The following UBE2U variants were observed in gnomAD, a reference collection of about 807,000 sequenced individuals.
UBE2U encodes ubiquitin-conjugating enzyme E2 U.
Under a neutral mutation model 41.2 loss-of-function variants are expected in UBE2U, and 39 were observed. The observed-to-expected ratio is 0.95, with a 90% CI of 0.73 to 1.24. UBE2U has a LOEUF of 1.24. Ranked by LOEUF, UBE2U falls within the 50% of genes most tolerant of loss-of-function variation. UBE2U has a pLI of 0.00. For synonymous variants in UBE2U, 107 were observed against 117.8 expected (o/e 0.91, Z 0.60); for missense variants, 336 against 363.1 (o/e 0.93, Z 0.61).
At position 64,241,739 on chromosome 1, in the gene UBE2U, A is replaced by G; in HGVS notation, c.677+6A>G. On this transcript the variant is annotated splice_donor_region_variant and intron_variant, in intron 8 of 9. Transcript: ENST00000371077. Reference sequence around the variant, plus strand: ...CAGAAAGAATGGAATTTAAAGTAAGAAATATGAAGTGCCTTGAATGTGTAC... The same window carrying G: ...CAGAAAGAATGGAATTTAAAGTAAGGAATATGAAGTGCCTTGAATGTGTAC... The G allele has an allele frequency of 1.2e-6, 2 of 1,600,096 alleles. No homozygotes were observed. Among genetic ancestry groups the G allele is most frequent in the Non-Finnish European group, 1.7e-6 (2 of 1,170,540 alleles).
intron 7 of UBE2U, among the ~76,000 whole-genome samples, chr1:64,237,128 A>G (rs1419275098): frequency 6.6e-6 from 1 of 152,122 alleles, no homozygotes; most frequent in Admixed American, 6.6e-5. Flanking sequence ...TTTCATTTCT[A>G]TTGATTGACA....
At chr1:64,265,735 C>T (rs1645245139) in intron 9 of UBE2U, among the ~76,000 whole-genome samples, 4 of 152,156 alleles carry the variant, frequency 2.6e-5, no homozygotes, top group Admixed American at 2.6e-4. Context: ...CCTGCCACCA[C>T]ACCCGGCTAA....
At chr1:64,242,164 A>G (rs116830826) in intron 8 of UBE2U, among the ~76,000 whole-genome samples, 2,253 of 152,244 alleles carry the variant, frequency 0.015, 56 homozygotes, top group African/African-American at 0.05. Flanking sequence ...CTCATTCAAG[A>G]CCAAATATAT....
chr1:64,235,972 T>TA (rs995386434), intron 7 of UBE2U, among the ~76,000 whole-genome samples: 1 of 152,150 alleles, frequency 6.6e-6, no homozygotes, highest in Non-Finnish European at 1.5e-5. Context: ...AAAAGCTAAG[T>TA]AATTTACCTA....
intron 8 of UBE2U, among the ~76,000 whole-genome samples, chr1:64,250,488 A>T (rs1335389877): frequency 6.6e-6 from 1 of 152,198 alleles, no homozygotes; most frequent in Non-Finnish European, 1.5e-5. Flanking sequence ...CCTCAATAAC[A>T]AAACCAAAGA....
chr1:64,251,144 G>A (rs1570127112), intron 8 of UBE2U, among the ~76,000 whole-genome samples: 1 of 150,782 alleles, frequency 6.6e-6, no homozygotes, highest in Non-Finnish European at 1.5e-5. Context: ...ATGCCTCACA[G>A]ACACAGATGC....
intron 3 of UBE2U, among the ~76,000 whole-genome samples, chr1:64,207,140 G>A (rs372065470): frequency 1.3e-4 from 20 of 152,156 alleles, no homozygotes; most frequent in African/African-American, 4.8e-4. Flanking sequence ...CTAGGTTTTT[G>A]ATTTTATTTA....
intron 8 of UBE2U, among the ~76,000 whole-genome samples, chr1:64,252,455 A>C (rs1473443149): frequency 6.6e-6 from 1 of 152,122 alleles, no homozygotes; most frequent in East Asian, 1.9e-4. Flanking sequence ...ACTGGGAGAG[A>C]CCTTCCAATA....
chr1:64,217,616 A>G (rs1202042182), intron 5 of UBE2U, among the ~76,000 whole-genome samples: 14 of 152,192 alleles, frequency 9.2e-5, no homozygotes, highest in Admixed American at 8.5e-4. Flanking sequence ...GAAAAATACA[A>G]GAGTATAAAA....
chr1:64,228,887 A>G (rs1653082544), intron 6 of UBE2U, among the ~76,000 whole-genome samples: 2 of 132,294 alleles, frequency 1.5e-5, no homozygotes, highest in Admixed American at 8.1e-5. Flanking sequence ...TTGAGTACAG[A>G]ATCTCGCTCT....
At chr1:64,237,968 G>A (rs1446201478) in intron 7 of UBE2U, among the ~76,000 whole-genome samples, 6 of 152,332 alleles carry the variant, frequency 3.9e-5, no homozygotes, top group East Asian at 3.9e-4. Context: ...GCATTCGTGA[G>A]AGATTAAATT....
chr1:64,221,495 T>G (rs1265585679), intron 6 of UBE2U, among the ~76,000 whole-genome samples: 3 of 152,144 alleles, frequency 2.0e-5, no homozygotes, highest in Non-Finnish European at 2.9e-5. Context: ...TCACAAAAAT[T>G]CAAGCAATTT....
intron 8 of UBE2U, among the ~76,000 whole-genome samples, chr1:64,259,092 A>G (rs1645142240): frequency 6.6e-6 from 1 of 152,130 alleles, no homozygotes; most frequent in Admixed American, 6.5e-5. Context: ...GCATTTTTTT[A>G]AGTGTCTGTT....
chr1:64,267,141 G>A lies in UBE2U; in HGVS notation c.887G>A (p.Arg296Lys), dbSNP rs777338789. The change falls in exon 10 of 10, where the codon AGG (arginine) becomes AAG (lysine). Residue 296 changes from arginine to lysine, a missense_variant. By Grantham distance (26) the Arg-to-Lys change is conservative. Transcript: ENST00000371077. Reference protein sequence around the residue: ...SLYENDTDEPREEEVEDLISW... With the variant: ...SLYENDTDEPKEEEVEDLISW... Reference sequence around the variant, plus strand: ...TATGAAAATGACACAGATGAGCCCAGGGAAGAGGAAGTGGAAGATCTGATC... The same window carrying A: ...TATGAAAATGACACAGATGAGCCCAAGGAAGAGGAAGTGGAAGATCTGATC... 14 of 1,549,872 alleles carry A rather than the reference G, an allele frequency of 9.0e-6. No homozygotes were observed. Among genetic ancestry groups the A allele is most frequent in the Non-Finnish European group, 1.2e-5 (14 of 1,146,856 alleles).
intron 5 of UBE2U, 82 bp downstream of exon 5, chr1:64,215,014 T>G (rs1253862341): frequency 6.6e-6 from 7 of 1,060,808 alleles, no homozygotes; most frequent in African/African-American, 4.7e-5. Context: ...GGGTGGATCA[T>G]CTGAGGTCCG....
At chr1:64,252,853 TCTC>T (rs1402382485) in intron 8 of UBE2U, among the ~76,000 whole-genome samples, 3 of 152,146 alleles carry the variant, frequency 2.0e-5, no homozygotes, top group Admixed American at 6.5e-5. Context: ...GCATGTCTAT[TCTC>T]CTCCAAATGA....
intron 6 of UBE2U, among the ~76,000 whole-genome samples, chr1:64,228,315 T>C (rs1653019790): frequency 6.6e-6 from 1 of 152,206 alleles, no homozygotes; most frequent in African/African-American, 2.4e-5. Context: ...GTGTATGGTA[T>C]CTACATAACG....
chr1:64,239,097 AAGAAGAAGAAGAAGAAGAAG>A (rs1644740239), intron 7 of UBE2U, among the ~76,000 whole-genome samples: 7 of 6,492 alleles, frequency 1.1e-3, no homozygotes, highest in African/African-American at 5.8e-3. Context: ...GAAGAGGAAG[AAGAAGAAGAAGAAGAAGAAG>A]AAGAAGAAGA....
At chr1:64,243,872 ACTGT>A (rs1436824442) in intron 8 of UBE2U, among the ~76,000 whole-genome samples, 2 of 152,094 alleles carry the variant, frequency 1.3e-5, no homozygotes, top group Non-Finnish European at 2.9e-5. Context: ...CTGGAGCCAG[ACTGT>A]CTGGATTTGA....
Sources: gnomAD v4.1 joint callset for allele counts (sites outside exome capture counted in the v4.1 genomes callset) on GRCh38, gnomAD v4.1.1 for gene constraint, MANE v1.5 for transcripts, NCBI Gene and HGNC (gene_info 2026-07-23, HGNC 2026-07-21) for gene names.